Variants in DYNLT2B observed in about 807,000 individuals in gnomAD.
DYNLT2B encodes the protein dynein light chain Tctex-type 2B.
Under a neutral mutation model 19.5 loss-of-function variants are expected in DYNLT2B, and 14 were observed. The observed-to-expected ratio is 0.72, with a 90% confidence interval of 0.47 to 1.12. The LOEUF (loss-of-function observed/expected upper bound fraction) is 1.12. Ranked by LOEUF, DYNLT2B falls within the 50% of genes most tolerant of loss-of-function variation. The probability of loss-of-function intolerance (pLI) is 0.00; values close to 1 mark genes in which losing one functional copy is unlikely to be tolerated. For synonymous variants in DYNLT2B, 70 were observed against 59.7 expected, an observed-to-expected ratio of 1.17 and a Z score of -0.79; for missense variants, 133 against 174.7, an observed-to-expected ratio of 0.76 and a Z score of 1.35.
intron 3 of DYNLT2B, among the ~76,000 whole-genome samples, chr3:196,305,182 C>T (rs924997499): frequency 6.6e-6 from 1 of 152,090 alleles, no homozygotes; most frequent in African/African-American, 2.4e-5. Context: ...CCACGCCCGG[C>T]CCTGATGGGA....
intron 3 of DYNLT2B, 168 bp from the exon 4 acceptor site, chr3:196,296,237 G>A: frequency 1.7e-6 from 1 of 580,412 alleles, no homozygotes. Flanking sequence ...AGAGTATACT[G>A]GGTAAACCGG....
chr3:196,315,754 C>G (rs952638889), intron 2 of DYNLT2B, among the ~76,000 whole-genome samples: 4 of 152,028 alleles, frequency 2.6e-5, no homozygotes, highest in African/African-American at 9.7e-5. Context: ...TGCCTGTAAT[C>G]CCAACTACTC....
chr3:196,293,259 C>T (rs1385201574), intron 4 of DYNLT2B, among the ~76,000 whole-genome samples: 1 of 152,160 alleles, frequency 6.6e-6, no homozygotes, highest in East Asian at 1.9e-4. Flanking sequence ...GTCCCTAGCC[C>T]CTCAGGTGCA....
At chr3:196,311,381 A>G (rs1726637857) in intron 2 of DYNLT2B, among the ~76,000 whole-genome samples, 1 of 151,644 alleles carries the variant, frequency 6.6e-6, no homozygotes, top group African/African-American at 2.4e-5. Flanking sequence ...AGCCTGGCCA[A>G]CAGAGTGAGA....
intron 3 of DYNLT2B, 146 bp from the exon 4 acceptor site, chr3:196,296,215 T>C: frequency 1.5e-6 from 1 of 681,848 alleles, no homozygotes; most frequent in Non-Finnish European, 2.6e-6. Flanking sequence ...CAGAGTATTG[T>C]ATTTGTACCA....
chr3:196,312,233 G>C (rs1726662314), intron 2 of DYNLT2B, among the ~76,000 whole-genome samples: 1 of 151,818 alleles, frequency 6.6e-6, no homozygotes, highest in Non-Finnish European at 1.5e-5. Context: ...GTTCAGGGTG[G>C]TCTCAAACTC....
At chr3:196,312,904 C>T (rs1475361535) in intron 2 of DYNLT2B, among the ~76,000 whole-genome samples, 2 of 152,120 alleles carry the variant, frequency 1.3e-5, no homozygotes, top group Admixed American at 1.3e-4. Flanking sequence ...CTCTTCCCAG[C>T]TAATTGAGAG....
rs1726664633 is a variant in DYNLT2B at position 196,312,339 on chromosome 3, A to G, written c.247+3759T>C. 3.9e-5 allele frequency among the ~76,000 whole-genome samples: 6 copies of G among 152,104 alleles called. No individual in the cohort carries two copies. In the South Asian group the frequency reaches 1.2e-3, roughly 31 times the overall value. ...AGCCAAAGGTGAGGATTCCTTAAGC[A>G]GAGAACATCAAGCTGGGCTCAGATT... On this transcript the variant is annotated intron_variant, in intron 2 of 4. Coordinates refer to ENST00000325318, the MANE Select transcript of DYNLT2B (RefSeq NM_152773.5).
Position 196,295,989 on chromosome 3 carries a change from TTTC to T in DYNLT2B, c.381+14_381+16del, listed in dbSNP as rs747739220. Reference sequence around the variant, plus strand: ...CACGTTCTTAGAAAGGGAAAAGAGGTTTCCAAATACACTTACATTCATGAAAAC... The same window carrying T: ...CACGTTCTTAGAAAGGGAAAAGAGGTCAAATACACTTACATTCATGAAAAC... On this transcript the variant is annotated intron_variant, in intron 4 of 4. Coordinates refer to ENST00000325318, the MANE Select transcript of DYNLT2B (RefSeq NM_152773.5). 4.4e-6 allele frequency: 7 copies of T among 1,605,282 alleles called. No individual in the cohort carries two copies. The South Asian group carries it at 5.5e-5, about 13-fold the overall frequency.
intron 2 of DYNLT2B, among the ~76,000 whole-genome samples, chr3:196,314,630 T>C (rs1029101481): frequency 6.6e-6 from 1 of 151,656 alleles, no homozygotes; most frequent in African/African-American, 2.4e-5. Context: ...CAGGGCAACA[T>C]GGCAAGACAC....
chr3:196,316,908 T>TGTGTGTGTG (rs1417510774), intron 1 of DYNLT2B, among the ~76,000 whole-genome samples: 5 of 44,580 alleles, frequency 1.1e-4, no homozygotes, highest in Non-Finnish European at 2.1e-4. Context: ...TGTGTGTGTG[T>TGTGTGTGTG]TGTGTGGTGT....
chr3:196,309,361 G>A (rs1726572354), intron 2 of DYNLT2B, among the ~76,000 whole-genome samples: 1 of 152,096 alleles, frequency 6.6e-6, no homozygotes, highest in Non-Finnish European at 1.5e-5. Flanking sequence ...TGCCTCCTGG[G>A]TTCAAGCAAT....
chr3:196,304,808 T>A (rs1345066382), intron 3 of DYNLT2B, among the ~76,000 whole-genome samples: 2 of 152,050 alleles, frequency 1.3e-5, no homozygotes, highest in Non-Finnish European at 2.9e-5. Flanking sequence ...TTAAATTGAA[T>A]AATAAAACTT....
chr3:196,305,458 GACAA>G (rs1192123743), intron 3 of DYNLT2B, among the ~76,000 whole-genome samples: 7 of 152,180 alleles, frequency 4.6e-5, no homozygotes, highest in South Asian at 2.1e-4. Context: ...AACTCTACAG[GACAA>G]ACAAACCAAT....
chr3:196,317,767 T>A (rs1726917978), intron 1 of DYNLT2B, among the ~76,000 whole-genome samples: 1 of 152,006 alleles, frequency 6.6e-6, no homozygotes, highest in Non-Finnish European at 1.5e-5. Flanking sequence ...CCATCGCGGG[T>A]TTCCCAGGGC....
intron 4 of DYNLT2B, among the ~76,000 whole-genome samples, chr3:196,294,568 G>C (rs1008402589): frequency 6.6e-6 from 1 of 152,102 alleles, no homozygotes; most frequent in South Asian, 2.1e-4. Context: ...CAACTTCCCA[G>C]ATGATCCTTA....
intron 3 of DYNLT2B, among the ~76,000 whole-genome samples, chr3:196,297,586 A>G (rs1242096160): frequency 6.6e-6 from 1 of 152,202 alleles, no homozygotes; most frequent in African/African-American, 2.4e-5. Flanking sequence ...TTACATTTCT[A>G]TTAAACGTAT....
At chr3:196,294,269 C>G (rs2108789851) in intron 4 of DYNLT2B, among the ~76,000 whole-genome samples, 1 of 152,244 alleles carries the variant, frequency 6.6e-6, no homozygotes, top group South Asian at 2.1e-4. Context: ...GACACTTCAA[C>G]CCGGGAGGTG....
At chr3:196,312,727 T>C (rs1726675595) in intron 2 of DYNLT2B, among the ~76,000 whole-genome samples, 1 of 151,856 alleles carries the variant, frequency 6.6e-6, no homozygotes, top group Non-Finnish European at 1.5e-5. Context: ...CCACAGTGCC[T>C]GGATTGCAGG....
Sources: gnomAD v4.1 joint callset for allele counts (sites outside exome capture counted in the v4.1 genomes callset) on GRCh38, gnomAD v4.1.1 for gene constraint, MANE v1.5 for transcripts, NCBI Gene and HGNC (gene_info 2026-07-23, HGNC 2026-07-21) for gene names.